The following CHAF1B variants were observed in gnomAD, a reference collection of about 807,000 sequenced individuals.
CHAF1B encodes the protein chromatin assembly factor 1 subunit B.
A neutral mutation model predicts 60.7 loss-of-function variants in CHAF1B; 10 were observed. The ratio of observed to expected loss-of-function variants is 0.16; its 90% confidence interval spans 0.10 to 0.28. CHAF1B has a LOEUF of 0.28. Ranked by LOEUF, CHAF1B falls within the 10% of genes least tolerant of loss-of-function variation. The probability of loss-of-function intolerance (pLI) is 1.00; values close to 1 mark genes in which losing one functional copy is unlikely to be tolerated. For missense variants in CHAF1B, 558 were observed against 708.4 expected (o/e 0.79, Z 2.41); for synonymous variants, 261 against 266.1 (o/e 0.98, Z 0.19).
chr21:36,403,006 C>T, intron 8 of CHAF1B, among the ~76,000 whole-genome samples, 155 bp downstream of exon 8: 1 of 152,172 alleles, frequency 6.6e-6, no homozygotes, highest in East Asian at 1.9e-4. Context: ...CTTCAAAAAA[C>T]ACATTGGTGC....
intron 8 of CHAF1B, among the ~76,000 whole-genome samples, chr21:36,403,435 C>T (rs917502272): frequency 8.5e-6 from 1 of 118,204 alleles, no homozygotes; most frequent in East Asian, 2.5e-4. Context: ...CCAGCCTGGG[C>T]GACAGAGTGA....
At chr21:36,404,836 T>C (rs1601565103) in intron 8 of CHAF1B, among the ~76,000 whole-genome samples, 1 of 143,362 alleles carries the variant, frequency 7.0e-6, no homozygotes, top group South Asian at 2.4e-4. Context: ...CTCCACCTCC[T>C]GGGTTCAAGC....
At position 36,416,936 on chromosome 21, in the gene CHAF1B, C is replaced by T. The variant is rs934178913; in HGVS notation, c.*570C>T. The T allele has an allele frequency of 1.3e-5, 2 of 152,020 alleles. No homozygotes were observed. Among genetic ancestry groups the T allele is most frequent in the African/African-American group, 2.4e-5 (1 of 41,388 alleles). The allele number at this position is 152,020 out of a possible 1,614,324, so 9.4% of individuals were successfully genotyped here. A position where few individuals can be genotyped will look rare whatever the true frequency, so the allele number is the denominator to read the frequency against. Reference sequence around the variant, plus strand: ...TCATCTTCCCACCAGAAGTAACCCTCGTTAATGTTGTAGTATATTTCCTTA... The same window carrying T: ...TCATCTTCCCACCAGAAGTAACCCTTGTTAATGTTGTAGTATATTTCCTTA... On this transcript the variant is annotated 3_prime_UTR_variant, in exon 14 of 14. Transcript: ENST00000314103.
intron 8 of CHAF1B, among the ~76,000 whole-genome samples, chr21:36,403,801 C>T (rs1427661281): frequency 2.0e-5 from 3 of 152,168 alleles, no homozygotes; most frequent in Non-Finnish European, 2.9e-5. Context: ...TGCTCATTGC[C>T]GTGGCTCCAG....
intron 4 of CHAF1B, among the ~76,000 whole-genome samples, chr21:36,393,251 G>C (rs1335569305): frequency 6.6e-6 from 1 of 151,582 alleles, no homozygotes; most frequent in Non-Finnish European, 1.5e-5. Context: ...GGGAGAGGGA[G>C]AGGATTTTTA....
At chr21:36,388,116 C>G (rs963928092) in intron 3 of CHAF1B, among the ~76,000 whole-genome samples, 2 of 152,140 alleles carry the variant, frequency 1.3e-5, no homozygotes, top group African/African-American at 4.8e-5. Flanking sequence ...AGCCACTGCG[C>G]CCGGCCTGGA....
At chr21:36,391,417 T>C (rs1381970130) in intron 3 of CHAF1B, 134 bp from the exon 4 acceptor site, 6 of 492,176 alleles carry the variant, frequency 1.2e-5, no homozygotes, top group East Asian at 7.8e-5. Context: ...TGAGCCAAGA[T>C]TGCGCCACTG....
intron 10 of CHAF1B, among the ~76,000 whole-genome samples, chr21:36,409,967 C>CT (rs199857685): frequency 0.027 from 3,504 of 131,200 alleles, 58 homozygotes; most frequent in Admixed American, 0.049. Flanking sequence ...TTTTCTTTTT[C>CT]TTTTTTTTTT....
chr21:36,402,662 G>C, intron 7 of CHAF1B, 96 bp from the exon 8 acceptor site: 1 of 939,546 alleles, frequency 1.1e-6, no homozygotes, highest in Non-Finnish European at 1.6e-6. Flanking sequence ...GTTGGGAAGC[G>C]TTTATTTGTG....
intron 11 of CHAF1B, 137 bp downstream of exon 11, chr21:36,411,741 T>C: frequency 9.4e-7 from 1 of 1,061,602 alleles, no homozygotes; most frequent in Non-Finnish European, 1.4e-6. Context: ...TCTTATTTAT[T>C]TTTTTGAGAC....
intron 3 of CHAF1B, among the ~76,000 whole-genome samples, chr21:36,390,705 G>C (rs1304476968): frequency 6.6e-6 from 1 of 152,192 alleles, no homozygotes; most frequent in Non-Finnish European, 1.5e-5. Context: ...ACTGAGGCTA[G>C]AGTGCAGTGG....
At chr21:36,405,671 C>G (rs1235460891) in intron 8 of CHAF1B, among the ~76,000 whole-genome samples, 2 of 151,904 alleles carry the variant, frequency 1.3e-5, no homozygotes, top group Non-Finnish European at 2.9e-5. Flanking sequence ...GCTCAAGCAC[C>G]CCTTCCGCCT....
At chr21:36,404,559 GGA>G (rs1450536003) in intron 8 of CHAF1B, among the ~76,000 whole-genome samples, 1 of 138,412 alleles carries the variant, frequency 7.2e-6, no homozygotes, top group African/African-American at 2.7e-5. Flanking sequence ...CTCAGCCTCC[GGA>G]GTAGCTGGGA....
chr21:36,385,968 A>G lies in CHAF1B; in HGVS notation c.-77-92A>G. The G allele has an allele frequency of 4.4e-6, 3 of 689,572 alleles. No individual in the cohort carries two copies. The South Asian group carries it at 5.8e-5, about 13-fold the overall frequency. The allele number at this position is 689,572 out of a possible 1,614,324, so 42.7% of individuals were successfully genotyped here. On this transcript the variant is annotated intron_variant, in intron 1 of 13. Coordinates refer to ENST00000314103, the MANE Select transcript of CHAF1B (RefSeq NM_005441.3). ...GATGGCAACGTTAACATCCTTTCCC[A>G]ATGCAGTGTGCATTTTAAATGGCTC...
At position 36,399,501 on chromosome 21, in the gene CHAF1B, C is replaced by G. The variant is rs548768762; in HGVS notation, c.579-20C>G. On this transcript the variant is annotated intron_variant, in intron 6 of 13. Transcript: ENST00000314103. ...AATTCATTTACTAGAAGTGGTAAAT[C>G]AGACATGTTCTTTCTTCAGGGTGCT... 1.2e-6 allele frequency: 2 copies of G among 1,605,068 alleles called. No homozygotes were observed. Among genetic ancestry groups the G allele is most frequent in the South Asian group, 2.2e-5 (2 of 90,234 alleles).
chr21:36,402,064 A>G (rs1333597778), intron 7 of CHAF1B, among the ~76,000 whole-genome samples: 2 of 152,176 alleles, frequency 1.3e-5, no homozygotes, highest in Non-Finnish European at 2.9e-5. Flanking sequence ...TATAAATAGT[A>G]GTAAAAACTG....
intron 4 of CHAF1B, among the ~76,000 whole-genome samples, chr21:36,393,288 A>C (rs753345365): frequency 6.6e-6 from 1 of 152,050 alleles, no homozygotes; most frequent in Non-Finnish European, 1.5e-5. Context: ...GGGTCTCACT[A>C]TGTTGCCCAG....
chr21:36,407,274 C>A (rs1345614277), intron 8 of CHAF1B, among the ~76,000 whole-genome samples: 2 of 150,628 alleles, frequency 1.3e-5, no homozygotes, highest in African/African-American at 4.9e-5. Context: ...TGCACTCTAG[C>A]CTGGGCAACA....
intron 6 of CHAF1B, among the ~76,000 whole-genome samples, chr21:36,398,448 C>T (rs2086160941): frequency 6.6e-6 from 1 of 152,076 alleles, no homozygotes; most frequent in Non-Finnish European, 1.5e-5. Flanking sequence ...TAACCTCCAC[C>T]TCCTAGGTTC....
Sources: gnomAD v4.1 joint callset for allele counts (sites outside exome capture counted in the v4.1 genomes callset) on GRCh38, gnomAD v4.1.1 for gene constraint, MANE v1.5 for transcripts, NCBI Gene and HGNC (gene_info 2026-07-23, HGNC 2026-07-21) for gene names.